Variants in NMS observed in about 807,000 individuals in gnomAD.
NMS encodes the protein neuromedin-S.
In NMS, 30 loss-of-function variants were observed where a neutral mutation model predicts 32.2. That is an observed-to-expected ratio of 0.93 (90% CI 0.70 to 1.26). The LOEUF is 1.26. Among genes scored for constraint, NMS ranks in the 50% most tolerant of loss-of-function variants. The probability of loss-of-function intolerance (pLI) is 0.00; values close to 1 mark genes in which losing one functional copy is unlikely to be tolerated. For synonymous variants in NMS, 76 were observed against 58.5 expected (o/e 1.30, Z -1.37); for missense variants, 190 against 186.3 (o/e 1.02, Z -0.12).
At chr2:100,473,455 C>A in intron 2 of NMS, 34 bp from the exon 3 acceptor site, 2 of 1,360,034 alleles carry the variant, frequency 1.5e-6, no homozygotes, top group South Asian at 1.6e-5. Context: ...TCCCCCTCAT[C>A]CCTTTGATTT....
Position 100,472,824 on chromosome 2 carries a change from G to C in NMS, c.106G>C (p.Asp36His). 6.2e-7 allele frequency: 1 copy of C among 1,611,132 alleles called. No homozygotes were observed. Among genetic ancestry groups the C allele is most frequent in the South Asian group, 1.1e-5 (1 of 90,864 alleles). The change falls in exon 2 of 10, where the codon GAT becomes CAT. Residue 36 changes from aspartate (D) to histidine (H), a missense_variant. Physicochemically the swap from Asp to His is moderately conservative, Grantham distance 81. Coordinates refer to ENST00000376865, the MANE Select transcript of NMS (RefSeq NM_001011717.1). Reference protein sequence around the residue: ...GFPQPLADPSDGLDIVQLEQL... With the variant: ...GFPQPLADPSHGLDIVQLEQL... ...TCCTCAACCTTTAGCTGATCCTTCA[G>C]ATGGCTTGGATATTGTGCAGCTTGA...
At position 100,481,281 on chromosome 2, in the gene NMS, T is replaced by A. The variant is rs540661076; in HGVS notation, c.414+114T>A. 5.2e-6 allele frequency: 5 copies of A among 953,984 alleles called. No individual in the cohort carries two copies. The Admixed American group carries it at 6.9e-5, about 13-fold the overall frequency. The allele number at this position is 953,984 out of a possible 1,614,324, so 59.1% of individuals were successfully genotyped here. Reference sequence around the variant, plus strand: ...ACCCCTTGGTAAACTGGTGGATAATTGTGGAGACTCTCTCATCCTTCACTG... The same window carrying A: ...ACCCCTTGGTAAACTGGTGGATAATAGTGGAGACTCTCTCATCCTTCACTG... On this transcript the variant is annotated intron_variant, in intron 8 of 9. Transcript: ENST00000376865.
At position 100,470,699 on chromosome 2, in the gene NMS, A is replaced by G. The variant is rs559637073; in HGVS notation, c.76+135A>G. The G allele has an allele frequency of 4.1e-4, 304 of 749,156 alleles. 2 individuals carry two copies. In the East Asian group the frequency reaches 6.3e-3, roughly 16 times the overall value. The allele number at this position is 749,156 out of a possible 1,614,324, so 46.4% of individuals were successfully genotyped here. A position where few individuals can be genotyped will look rare whatever the true frequency, so the allele number is the denominator to read the frequency against. ...CCAGACCTTCTTGATTTCTGGCTGC[A>G]ATTTGTTGGAACCTTTAGGAGAGGA... On this transcript the variant is annotated intron_variant, in intron 1 of 9. Transcript: ENST00000376865.
chr2:100,480,623 TC>T, intron 7 of NMS, 92 bp downstream of exon 7: 1 of 1,296,236 alleles, frequency 7.7e-7, no homozygotes, highest in Non-Finnish European at 1.1e-6. Flanking sequence ...CTGCAGCCCC[TC>T]CAGACCAGTT....
rs144853048 is a variant in NMS, at chr2:100,480,669, TC to T, written c.372+139del. On this transcript the variant is annotated intron_variant, in intron 7 of 9. Transcript: ENST00000376865. Reference sequence around the variant, plus strand: ...GCTGGTCTCCAAAGGACCCTGAGAATCTTTTGTGGCTGAGCAATTAAGTTCA... The same window carrying T: ...GCTGGTCTCCAAAGGACCCTGAGAATTTTTGTGGCTGAGCAATTAAGTTCA... The T allele has an allele frequency of 1.5e-3, 1,229 of 802,802 alleles. 11 individuals carry two copies. In the African/African-American group the frequency reaches 0.019, roughly 12 times the overall value. The allele number at this position is 802,802 out of a possible 1,614,324, so 49.7% of individuals were successfully genotyped here.
At chr2:100,473,929 G>C (rs776922014) in intron 3 of NMS, among the ~76,000 whole-genome samples, 40 of 152,130 alleles carry the variant, frequency 2.6e-4, no homozygotes, top group Non-Finnish European at 5.0e-4. Context: ...TGTAATCCCA[G>C]CACTTTGGGA....
chr2:100,478,306 C>T (rs919743156), intron 5 of NMS, among the ~76,000 whole-genome samples: 8 of 152,132 alleles, frequency 5.3e-5, no homozygotes, highest in African/African-American at 1.4e-4. Context: ...GCAAGTAAAA[C>T]TCTACCACTA....
At chr2:100,476,726 C>A in intron 3 of NMS, among the ~76,000 whole-genome samples, 1 of 152,188 alleles carries the variant, frequency 6.6e-6, no homozygotes, top group East Asian at 1.9e-4. Flanking sequence ...AGCGCACATG[C>A]AGCCATCATC....
At chr2:100,472,725 G>A (rs1347537102) in intron 1 of NMS, 70 bp from the exon 2 acceptor site, 2 of 979,194 alleles carry the variant, frequency 2.0e-6, no homozygotes, top group Non-Finnish European at 3.2e-6. Flanking sequence ...TGTTTTTCAT[G>A]ATAAAGACTT....
At chr2:100,481,034 C>A in intron 7 of NMS, 92 bp from the exon 8 acceptor site, 1 of 1,286,598 alleles carries the variant, frequency 7.8e-7, no homozygotes, top group Non-Finnish European at 1.1e-6. Context: ...TGGTCTGGGA[C>A]CACCCATTTT....
chr2:100,475,407 A>G (rs1489097663), intron 3 of NMS, among the ~76,000 whole-genome samples: 1 of 152,182 alleles, frequency 6.6e-6, no homozygotes, highest in Non-Finnish European at 1.5e-5. Context: ...CAATTCAGAA[A>G]GCAGTCACAT....
intron 1 of NMS, among the ~76,000 whole-genome samples, chr2:100,471,893 T>C (rs1179646147): frequency 6.6e-6 from 1 of 152,234 alleles, no homozygotes; most frequent in Non-Finnish European, 1.5e-5. Context: ...AGTTAACATA[T>C]ACTTCCTAAT....
chr2:100,482,950 G>T (rs751723855), intron 9 of NMS, among the ~76,000 whole-genome samples: 5 of 152,196 alleles, frequency 3.3e-5, no homozygotes, highest in Non-Finnish European at 5.9e-5. Context: ...AGTAGTCAGG[G>T]TCCCAGCAGT....
At chr2:100,479,953 A>G (rs1677184993) in intron 6 of NMS, among the ~76,000 whole-genome samples, 1 of 152,202 alleles carries the variant, frequency 6.6e-6, no homozygotes, top group Admixed American at 6.5e-5. Flanking sequence ...TTTATTTTGA[A>G]CACCCTGCCC....
At chr2:100,470,686 G>T in intron 1 of NMS, 122 bp downstream of exon 1, 1 of 795,624 alleles carries the variant, frequency 1.3e-6, no homozygotes, top group South Asian at 1.4e-5. Context: ...AGACCTTCTT[G>T]ATTTCTGGCT....
intron 3 of NMS, 127 bp from the exon 4 acceptor site, chr2:100,477,117 A>G (rs1383986290): frequency 1.4e-6 from 1 of 738,646 alleles, no homozygotes; most frequent in Admixed American, 2.5e-5. Flanking sequence ...TTCTTTTTAG[A>G]TTGCCAATTT....
At chr2:100,473,380 A>G (rs1677041781) in intron 2 of NMS, 109 bp from the exon 3 acceptor site, 2 of 437,236 alleles carry the variant, frequency 4.6e-6, no homozygotes, top group Admixed American at 4.1e-5. Flanking sequence ...TGAATTATCA[A>G]ACACCAGGCC....
At chr2:100,473,936 G>C (rs1467300127) in intron 3 of NMS, among the ~76,000 whole-genome samples, 1 of 152,078 alleles carries the variant, frequency 6.6e-6, no homozygotes, top group Non-Finnish European at 1.5e-5. Flanking sequence ...CCAGCACTTT[G>C]GGAGGCCGAG....
At chr2:100,477,927 A>G (rs1253539991) in intron 5 of NMS, among the ~76,000 whole-genome samples, 1 of 152,154 alleles carries the variant, frequency 6.6e-6, no homozygotes, top group Non-Finnish European at 1.5e-5. Context: ...GTGAATTTCT[A>G]TGGGGTATGA....
Sources: allele counts gnomAD v4.1 joint callset (sites outside exome capture counted in the v4.1 genomes callset), GRCh38; gene constraint gnomAD v4.1.1; transcripts MANE v1.5; gene names NCBI Gene and HGNC (gene_info 2026-07-23, HGNC 2026-07-21).